The following PTER variants were observed in gnomAD, a reference collection of about 807,000 sequenced individuals.
PTER encodes the protein N-acetyltaurine hydrolase.
A neutral mutation model predicts 29.6 loss-of-function variants in PTER; 38 were observed. The observed-to-expected ratio is 1.28, with a 90% CI of 0.99 to 1.68. The LOEUF (loss-of-function observed/expected upper bound fraction) is 1.68. Ranked by LOEUF, PTER falls within the 40% of genes most tolerant of loss-of-function variation. The probability of loss-of-function intolerance (pLI) is 0.00; values close to 1 mark genes in which losing one functional copy is unlikely to be tolerated. For missense variants in PTER, 482 were observed against 427.8 expected (o/e 1.13, Z -1.12); for synonymous variants, 172 against 154.5 (o/e 1.11, Z -0.84).
chr10:16,517,792 TTTAA>T (rs1189202743), downstream of PTER, among the ~76,000 whole-genome samples: 3 of 152,242 alleles, frequency 2.0e-5, no homozygotes, highest in Non-Finnish European at 2.9e-5. Flanking sequence ...ACATTTGTAA[TTTAA>T]TTAATTGCTA....
At chr10:16,463,125 G>A (rs962721495) in intron 1 of PTER, among the ~76,000 whole-genome samples, 90 of 150,850 alleles carry the variant, frequency 6.0e-4, no homozygotes, top group African/African-American at 2.0e-3. Context: ...CCCGGGAGGC[G>A]GAGGTTGCAG....
chr10:16,442,940 C>A (rs1048055252), intron 1 of PTER, among the ~76,000 whole-genome samples: 2 of 152,022 alleles, frequency 1.3e-5, no homozygotes, highest in Non-Finnish European at 2.9e-5. Context: ...CCACTGCATA[C>A]CAGCCTGGGT....
At chr10:16,482,063 C>T (rs1241385776) in intron 1 of PTER, among the ~76,000 whole-genome samples, 4 of 152,170 alleles carry the variant, frequency 2.6e-5, no homozygotes, top group African/African-American at 7.2e-5. Context: ...TTCTCTTAGC[C>T]ACCATTTGAA....
At chr10:16,486,794 AT>A in intron 3 of PTER, 177 bp downstream of exon 3, 2 of 692,378 alleles carry the variant, frequency 2.9e-6, no homozygotes, top group Non-Finnish European at 4.7e-6. Flanking sequence ...CAATGCTGCC[AT>A]TTTTGTGTCC....
At chr10:16,452,617 T>C (rs1834253903) in intron 1 of PTER, among the ~76,000 whole-genome samples, 1 of 151,880 alleles carries the variant, frequency 6.6e-6, no homozygotes, top group South Asian at 2.1e-4. Flanking sequence ...CTTTTTGTTT[T>C]CTCTCCTCCT....
At chr10:16,462,771 A>G (rs968052279) in intron 1 of PTER, among the ~76,000 whole-genome samples, 18 of 149,790 alleles carry the variant, frequency 1.2e-4, no homozygotes, top group Non-Finnish European at 1.9e-4. Flanking sequence ...GGGTTTCACC[A>G]TGTAGGCCAG....
chr10:16,467,023 G>A (rs1240633909), intron 1 of PTER, among the ~76,000 whole-genome samples: 1 of 152,170 alleles, frequency 6.6e-6, no homozygotes. Context: ...ATGCAGATAG[G>A]AAATGTCTTT....
At chr10:16,486,191 A>G (rs1215500527) in intron 2 of PTER, among the ~76,000 whole-genome samples, 161 bp from the exon 3 acceptor site, 4 of 152,240 alleles carry the variant, frequency 2.6e-5, no homozygotes, top group African/African-American at 9.6e-5. Flanking sequence ...TGATTTGGCC[A>G]GCAAAATGCC....
intron 1 of PTER, among the ~76,000 whole-genome samples, chr10:16,471,354 A>G (rs973972822): frequency 1.3e-5 from 2 of 152,186 alleles, no homozygotes; most frequent in African/African-American, 4.8e-5. Flanking sequence ...TACAATAAGC[A>G]TCTGATGGAT....
intron 1 of PTER, among the ~76,000 whole-genome samples, chr10:16,481,430 A>G (rs1835476284): frequency 1.3e-5 from 2 of 152,200 alleles, no homozygotes; most frequent in African/African-American, 2.4e-5. Flanking sequence ...TGCAGAGGGA[A>G]AAGGGCTCCC....
At chr10:16,454,284 A>G (rs1834315052) in intron 1 of PTER, among the ~76,000 whole-genome samples, 1 of 152,174 alleles carries the variant, frequency 6.6e-6, no homozygotes, top group Non-Finnish European at 1.5e-5. Flanking sequence ...TATAAATACA[A>G]AATTAACCTG....
chr10:16,449,223 C>G (rs1301703321), intron 1 of PTER, among the ~76,000 whole-genome samples: 2 of 152,096 alleles, frequency 1.3e-5, no homozygotes, highest in Non-Finnish European at 2.9e-5. Flanking sequence ...CATAGTAGCC[C>G]TCACTCTACC....
intron 1 of PTER, among the ~76,000 whole-genome samples, chr10:16,438,655 C>T (rs1260958474): frequency 6.7e-6 from 1 of 149,960 alleles, no homozygotes; most frequent in African/African-American, 2.4e-5. Flanking sequence ...AGGCCAGGCG[C>T]GGTGGCTCAC....
Position 16,486,490 on chromosome 10 carries a change from C to T in PTER, c.571C>T (p.Gln191Ter). 1 of 1,614,060 alleles carries T rather than the reference C, an allele frequency of 6.2e-7. No homozygotes were observed. Among genetic ancestry groups the T allele is most frequent in the South Asian group, 1.1e-5 (1 of 91,078 alleles). ...GGTTCTCCAGGCCACAGCTCATGCCCAGGCTCAGCTTGGTTGTCCTGTTAT... is the reference window on the plus strand; with the variant it reads ...GGTTCTCCAGGCCACAGCTCATGCCTAGGCTCAGCTTGGTTGTCCTGTTAT... ...RKVLQATAHA[Q>*]AQLGCPVIIH... is the part of the protein sequence containing the mutation. The change falls in exon 3 of 5, where the codon CAG (glutamine) becomes TAG (stop). Residue 191 changes from glutamine (Q) to a stop codon, truncating the protein, a stop_gained. Coordinates refer to ENST00000535784, the MANE Select transcript of PTER (RefSeq NM_001261836.2). LOFTEE classifies it high-confidence loss of function.
chr10:16,484,442 C>T lies in PTER; in HGVS notation c.58C>T (p.Leu20=). The change falls in exon 2 of 5, where the codon CTG becomes TTG. Residue 20 remains leucine, a synonymous_variant. Coordinates refer to ENST00000535784, the MANE Select transcript of PTER (RefSeq NM_001261836.2). ...TVLGLVEPSK[L]GRTLTHEHLA... ...TTTGGGCCTTGTAGAGCCAAGCAAA[C>T]TGGGCCGTACCCTGACCCATGAACA... 1 of 1,612,968 alleles carries T rather than the reference C, an allele frequency of 6.2e-7. No homozygotes were observed. Among genetic ancestry groups the T allele is most frequent in the Non-Finnish European group, 8.5e-7 (1 of 1,179,768 alleles).
intron 1 of PTER, among the ~76,000 whole-genome samples, chr10:16,450,620 G>A (rs536920334): frequency 2.6e-5 from 4 of 152,236 alleles, no homozygotes; most frequent in African/African-American, 9.6e-5. Flanking sequence ...ATAAAAGCTT[G>A]TGTCTGATTT....
At chr10:16,448,003 G>T (rs1483623611) in intron 1 of PTER, among the ~76,000 whole-genome samples, 1 of 152,138 alleles carries the variant, frequency 6.6e-6, no homozygotes, top group Non-Finnish European at 1.5e-5. Context: ...CTACTTTCTG[G>T]TTGGATGGGT....
chr10:16,502,525 CATCGTGAACTCTAAGTT>C (rs1836390920), intron 3 of PTER, among the ~76,000 whole-genome samples: 1 of 152,066 alleles, frequency 6.6e-6, no homozygotes, highest in Admixed American at 6.5e-5. Context: ...CCTAAAACAA[CATCGTGAACTCTAAGTT>C]ATGCTAATTT....
At position 16,497,347 on chromosome 10, in the gene PTER, T is replaced by G. The variant is rs1016317836; in HGVS notation, c.699-7673T>G. Among the ~76,000 whole-genome samples, 5 of 151,436 alleles carry G rather than the reference T, an allele frequency of 3.3e-5. No individual in the cohort carries two copies. In the South Asian group the frequency reaches 1.1e-3, roughly 32 times the overall value. ...TGAAAAAAATTAAGTGCTTCATTCT[T>G]CGTTCGCAATACTGTGTATTTATTT... On this transcript the variant is annotated intron_variant, in intron 3 of 4. Coordinates refer to ENST00000535784, the MANE Select transcript of PTER (RefSeq NM_001261836.2).
Sources: allele counts gnomAD v4.1 joint callset (sites outside exome capture counted in the v4.1 genomes callset), GRCh38; gene constraint gnomAD v4.1.1; transcripts MANE v1.5; gene names NCBI Gene and HGNC (gene_info 2026-07-23, HGNC 2026-07-21).